The following ADAM22 variants were observed in gnomAD, a reference collection of about 807,000 sequenced individuals.
ADAM22 encodes disintegrin and metalloproteinase domain-containing protein 22.
Under a neutral mutation model 144.6 loss-of-function variants are expected in ADAM22, and 65 were observed. The observed-to-expected ratio is 0.45, with a 90% CI of 0.37 to 0.55. The LOEUF is 0.55. Among genes scored for constraint, ADAM22 ranks in the 20% least tolerant of loss-of-function variants. ADAM22 has a pLI of 0.00. For missense variants in ADAM22, 974 were observed against 1,184.9 expected (o/e 0.82, Z 2.61); for synonymous variants, 391 against 412.6 (o/e 0.95, Z 0.63).
intron 3 of ADAM22, among the ~76,000 whole-genome samples, chr7:88,069,948 G>A (rs537083142): frequency 5.9e-5 from 9 of 152,262 alleles, no homozygotes; most frequent in Non-Finnish European, 1.0e-4. Context: ...TGCTTCCTGG[G>A]AGCAGTCCTT....
chr7:87,946,585 C>T (rs1304200612), intron 2 of ADAM22, among the ~76,000 whole-genome samples: 1 of 152,194 alleles, frequency 6.6e-6, no homozygotes, highest in East Asian at 1.9e-4. Flanking sequence ...CCAGCTATCC[C>T]AGCATTGTTT....
chr7:88,048,431 G>A (rs1325109138), intron 3 of ADAM22, among the ~76,000 whole-genome samples: 1 of 152,008 alleles, frequency 6.6e-6, no homozygotes, highest in African/African-American at 2.4e-5. Context: ...TTGTCAAACT[G>A]CCTTCTATAA....
At chr7:87,983,488 G>A (rs1854222074) in intron 3 of ADAM22, among the ~76,000 whole-genome samples, 1 of 152,050 alleles carries the variant, frequency 6.6e-6, no homozygotes, top group African/African-American at 2.4e-5. Flanking sequence ...ATACAGGAAA[G>A]GCACTGATTT....
intron 2 of ADAM22, 49 bp downstream of exon 2, chr7:87,935,235 C>A: frequency 6.7e-7 from 1 of 1,500,606 alleles, no homozygotes; most frequent in South Asian, 1.3e-5. Context: ...CCGGCCCACC[C>A]GAGACCCCAC....
At chr7:88,147,118 A>C (rs1468414243) in intron 17 of ADAM22, among the ~76,000 whole-genome samples, 1 of 152,252 alleles carries the variant, frequency 6.6e-6, no homozygotes, top group Non-Finnish European at 1.5e-5. Context: ...GAACAAGTAG[A>C]AAATAATACT....
intron 4 of ADAM22, among the ~76,000 whole-genome samples, chr7:88,095,675 A>G (rs1200714643): frequency 6.6e-6 from 1 of 152,196 alleles, no homozygotes. Context: ...GGCCTGCGAT[A>G]AAAATCTCTA....
At chr7:88,144,906 C>T (rs1210236809) in intron 15 of ADAM22, among the ~76,000 whole-genome samples, 1 of 151,842 alleles carries the variant, frequency 6.6e-6, no homozygotes, top group African/African-American at 2.4e-5. Flanking sequence ...TATAGGTAAA[C>T]TATTTACTAT....
rs1850745146 is a variant in ADAM22 at position 88,196,908 on chromosome 7, T to C, written c.*417T>C. On this transcript the variant is annotated 3_prime_UTR_variant, in exon 32 of 32. Transcript: ENST00000413139. Reference sequence around the variant, plus strand: ...ACAGTAATGCTATATGCATGAAGCTTCTGTTTATTGTTTTCCATATTTAAG... The same window carrying C: ...ACAGTAATGCTATATGCATGAAGCTCCTGTTTATTGTTTTCCATATTTAAG... The C allele has an allele frequency of 5.8e-6, 1 of 173,594 alleles. No individual in the cohort carries two copies. Among genetic ancestry groups the C allele is most frequent in the Admixed American group, 5.6e-5 (1 of 17,958 alleles). 10.8% of individuals were successfully genotyped at this position (173,594 alleles called of 1,614,324 possible).
chr7:88,159,597 T>G (rs1840990608), intron 22 of ADAM22, among the ~76,000 whole-genome samples: 1 of 152,148 alleles, frequency 6.6e-6, no homozygotes, highest in Non-Finnish European at 1.5e-5. Flanking sequence ...CAAGTTTGGT[T>G]CAACATACGC....
chr7:87,965,686 G>A (rs1396927558), intron 2 of ADAM22, among the ~76,000 whole-genome samples: 1 of 152,058 alleles, frequency 6.6e-6, no homozygotes, highest in Non-Finnish European at 1.5e-5. Context: ...GTCTATATAA[G>A]CAAATAAAAT....
chr7:88,145,247 C>T, intron 16 of ADAM22, 51 bp downstream of exon 16: 2 of 1,589,972 alleles, frequency 1.3e-6, no homozygotes, highest in Non-Finnish European at 1.7e-6. Context: ...CAGGGTCATT[C>T]CAGGTCCACA....
chr7:88,167,607 C>G (rs1488149107), intron 24 of ADAM22, among the ~76,000 whole-genome samples: 1 of 152,120 alleles, frequency 6.6e-6, no homozygotes, highest in African/African-American at 2.4e-5. Flanking sequence ...GAATTACAAG[C>G]CCAGTGTTTC....
intron 23 of ADAM22, 74 bp from the exon 24 acceptor site, chr7:88,165,758 A>T: frequency 9.9e-7 from 1 of 1,009,344 alleles, no homozygotes; most frequent in East Asian, 2.6e-5. Flanking sequence ...TATAATAATA[A>T]GAAATTAGTG....
chr7:88,144,999 G>A, intron 15 of ADAM22, 126 bp from the exon 16 acceptor site: 1 of 732,876 alleles, frequency 1.4e-6, no homozygotes, highest in East Asian at 2.7e-5. Flanking sequence ...TCTAGTTTAG[G>A]AAAATAAAAC....
chr7:87,938,898 C>G (rs950368846), intron 2 of ADAM22, among the ~76,000 whole-genome samples: 1 of 152,172 alleles, frequency 6.6e-6, no homozygotes, highest in Non-Finnish European at 1.5e-5. Context: ...ATCCGCCCAC[C>G]TTGGCATCCC....
At chr7:88,009,635 C>T (rs1347170378) in intron 3 of ADAM22, among the ~76,000 whole-genome samples, 2 of 152,050 alleles carry the variant, frequency 1.3e-5, no homozygotes, top group African/African-American at 4.8e-5. Flanking sequence ...TTATTTTTGA[C>T]AGGAGTGCAC....
At chr7:87,981,742 C>T (rs1853486984) in intron 3 of ADAM22, among the ~76,000 whole-genome samples, 1 of 151,794 alleles carries the variant, frequency 6.6e-6, no homozygotes, top group Non-Finnish European at 1.5e-5. Flanking sequence ...AAGACAGGAT[C>T]TGAATTCAAT....
intron 26 of ADAM22, among the ~76,000 whole-genome samples, chr7:88,172,776 A>G (rs1844670069): frequency 6.6e-6 from 1 of 151,954 alleles, no homozygotes; most frequent in African/African-American, 2.4e-5. Flanking sequence ...CAAAATTACA[A>G]TTTAAGAACA....
intron 29 of ADAM22, among the ~76,000 whole-genome samples, chr7:88,185,001 T>C (rs535366626): frequency 2.7e-4 from 41 of 152,368 alleles, no homozygotes; most frequent in Admixed American, 2.6e-3. Context: ...TGTGTGGCTA[T>C]GTTTCACCTG....
Sources: gnomAD v4.1 joint callset for allele counts (sites outside exome capture counted in the v4.1 genomes callset) on GRCh38, gnomAD v4.1.1 for gene constraint, MANE v1.5 for transcripts, NCBI Gene and HGNC (gene_info 2026-07-23, HGNC 2026-07-21) for gene names.